Variants in DTNA observed in about 807,000 individuals in gnomAD.
DTNA encodes dystrophin-related protein 3.
In DTNA, 43 loss-of-function variants were observed where a neutral mutation model predicts 100.7. The ratio of observed to expected loss-of-function variants is 0.43; its 90% CI spans 0.33 to 0.55. DTNA has a LOEUF of 0.55. DTNA is among the 20% of genes least tolerant of loss of function. The pLI is 0.04. For missense variants in DTNA, 798 were observed against 953.9 expected (o/e 0.84, Z 2.15); for synonymous variants, 349 against 347.9 (o/e 1.00, Z -0.04).
At chr18:34,804,761 C>T (rs1476201892) in intron 4 of DTNA, among the ~76,000 whole-genome samples, 1 of 152,062 alleles carries the variant, frequency 6.6e-6, no homozygotes, top group Non-Finnish European at 1.5e-5. Context: ...GTGAAGGTTT[C>T]AGATAAATGA....
At position 34,875,343 on chromosome 18, in the gene DTNA, G is replaced by A. The variant is rs373742103; in HGVS notation, c.1848G>A (p.Thr616=). The A allele has an allele frequency of 3.2e-5, 51 of 1,614,202 alleles. No individual in the cohort carries two copies. Among genetic ancestry groups the A allele is most frequent in the Admixed American group, 3.3e-5 (2 of 60,030 alleles). Residue 616 remains threonine (T), a synonymous_variant, in exon 18 of 23, where the codon ACG becomes ACA. Coordinates refer to ENST00000444659, the MANE Select transcript of DTNA (RefSeq NM_001386795.1). ...CAGCCTGCTCCACCCCGACGCACAC[G>A]CCGCAGGACTCCCTCACAGGAGTAG... The part of the protein sequence containing the change: ...SASACSTPTH[T]PQDSLTGVGG...
In DTNA at chr18:34,889,470, A is replaced by C. The variant is rs1170103068; in HGVS notation, c.*1736A>C. 1 of 985,326 alleles carries C rather than the reference A, an allele frequency of 1.0e-6. No individual in the cohort carries two copies. The highest frequency in any genetic ancestry group is 1.7e-5 in the African/African-American group (1 of 57,232). The allele number at this position is 985,326 out of a possible 1,614,324, so 61.0% of individuals were successfully genotyped here. ...AAGTCTCTGAAAAGGCCTTATTCAG[A>C]ATAAGCAAGAAAGGTTCTGTGATTC... On this transcript the variant is annotated 3_prime_UTR_variant, in exon 23 of 23. Transcript: ENST00000444659.
At position 34,543,431 on chromosome 18, in the gene DTNA, C is replaced by G. The variant is rs191461094; in HGVS notation, c.-2+49917C>G. On this transcript the variant is annotated intron_variant, in intron 1 of 19. Coordinates refer to the DTNA transcript ENST00000283365. Reference sequence around the variant, plus strand: ...TTCTAAACACAGCTGAAAGTTCATACAGCATTGTTAACACAGTGCGTTTGT... The same window carrying G: ...TTCTAAACACAGCTGAAAGTTCATAGAGCATTGTTAACACAGTGCGTTTGT... Among the ~76,000 whole-genome samples the G allele has an allele frequency of 6.6e-4, 100 of 152,164 alleles. 1 individual carries two copies. Among genetic ancestry groups the G allele is most frequent in the Admixed American group, 5.0e-3 (76 of 15,258 alleles).
chr18:34,796,941 C>G (rs533168788), intron 4 of DTNA, among the ~76,000 whole-genome samples: 1 of 152,060 alleles, frequency 6.6e-6, no homozygotes, highest in South Asian at 2.1e-4. Context: ...CCTCTCCCAC[C>G]AAAAAAACAT....
intron 1 of DTNA, among the ~76,000 whole-genome samples, chr18:34,585,628 G>A (rs1331238375): frequency 6.6e-6 from 1 of 151,910 alleles, no homozygotes; most frequent in African/African-American, 2.4e-5. Context: ...TAGGGAGAGA[G>A]GACACACATG....
At chr18:34,576,852 T>C (rs1384611812) in intron 1 of DTNA, among the ~76,000 whole-genome samples, 1 of 152,144 alleles carries the variant, frequency 6.6e-6, no homozygotes, top group Non-Finnish European at 1.5e-5. Flanking sequence ...AAACAGCCCA[T>C]GTCTTGTCAT....
chr18:34,881,757 A>T (rs2096875774), intron 20 of DTNA, among the ~76,000 whole-genome samples: 1 of 152,130 alleles, frequency 6.6e-6, no homozygotes, highest in Admixed American at 6.5e-5. Context: ...CCCTCAAAAG[A>T]TGTTTGCCAT....
chr18:34,664,173 C>T (rs1400975628), intron 1 of DTNA, among the ~76,000 whole-genome samples: 1 of 152,002 alleles, frequency 6.6e-6, no homozygotes. Flanking sequence ...TATTTGTCAA[C>T]CAAAACATAT....
rs573703919 is a variant in DTNA at position 34,871,252 on chromosome 18, A to C, written c.1744-3987A>C. Among the ~76,000 whole-genome samples the C allele has an allele frequency of 9.6e-4, 146 of 152,338 alleles. 1 individual carries two copies. The highest frequency in any genetic ancestry group is 3.3e-3 in the African/African-American group (139 of 41,578). On this transcript the variant is annotated intron_variant, in intron 17 of 22. Transcript: ENST00000444659. ...TCTGGTGGTGAATAGAAATCAAAAC[A>C]CTTCCTGGAAAATATCAGAAAATGT...
chr18:34,805,364 G>A (rs556690662), intron 4 of DTNA, among the ~76,000 whole-genome samples: 1 of 151,996 alleles, frequency 6.6e-6, no homozygotes, highest in South Asian at 2.1e-4. Context: ...TCCCTCTGTC[G>A]CCCAGGCTGG....
intron 1 of DTNA, among the ~76,000 whole-genome samples, chr18:34,674,143 G>A (rs2077114905): frequency 6.6e-6 from 1 of 152,216 alleles, no homozygotes; most frequent in African/African-American, 2.4e-5. Flanking sequence ...GCCCAGCTTA[G>A]GAGCTGATGC....
intron 1 of DTNA, among the ~76,000 whole-genome samples, chr18:34,614,634 G>A (rs2054877760): frequency 6.6e-6 from 1 of 152,214 alleles, no homozygotes; most frequent in South Asian, 2.1e-4. Flanking sequence ...AACAGCAAAT[G>A]TAGTGCAGAT....
At chr18:34,548,776 A>T (rs559566198) in intron 1 of DTNA, among the ~76,000 whole-genome samples, 1 of 152,238 alleles carries the variant, frequency 6.6e-6, no homozygotes, top group East Asian at 1.9e-4. Context: ...ACCTTAACAG[A>T]AGTATGTTAA....
At position 34,860,010 on chromosome 18, in the gene DTNA, GTTGGGAAGTATTACA is replaced by G. The variant is rs369977961; in HGVS notation, c.1646+1615_1646+1629del. Among the ~76,000 whole-genome samples, 418 of 152,154 alleles carry G rather than the reference GTTGGGAAGTATTACA, an allele frequency of 2.7e-3. 2 individuals carry two copies. The highest frequency in any genetic ancestry group is 9.6e-3 in the African/African-American group (399 of 41,514). The stretch of plus-strand genomic sequence containing the variant: ...ACTGTTCTTTCACAAGGCACCTGTA[GTTGGGAAGTATTACA>G]TTCTTTTCTTTTTGTTTTTGTTTGT... On this transcript the variant is annotated intron_variant, in intron 16 of 22. Coordinates refer to ENST00000444659, the MANE Select transcript of DTNA (RefSeq NM_001386795.1).
intron 1 of DTNA, among the ~76,000 whole-genome samples, chr18:34,734,927 A>G (rs1330183963): frequency 6.6e-6 from 1 of 152,214 alleles, no homozygotes; most frequent in African/African-American, 2.4e-5. Flanking sequence ...AGCCAACTCC[A>G]GAAGCCTCAA....
rs371363393 is a variant in DTNA, at chr18:34,858,388, C to T, written c.1636C>T (p.Arg546Trp). ...QQNPTLLAEL[R>W]LLRQRKDELE... ...AAACCCCACCCTGCTGGCAGAACTC[C>T]GGCTCCTCAGGTAGGAGAGAGCACC... Residue 546 changes from arginine to tryptophan, a missense_variant, in exon 16 of 23, where the codon CGG (arginine) becomes TGG (tryptophan). Arg to Trp is a moderately radical substitution (Grantham distance 101, BLOSUM62 -3). Transcript: ENST00000444659. The T allele has an allele frequency of 1.1e-5, 17 of 1,614,004 alleles. No homozygotes were observed. Among genetic ancestry groups the T allele is most frequent in the Middle Eastern group, 3.3e-4 (2 of 6,084 alleles).
intron 10 of DTNA, 77 bp downstream of exon 10, chr18:34,827,753 C>T (rs1002628660): frequency 7.0e-7 from 1 of 1,427,962 alleles, no homozygotes; most frequent in Admixed American, 1.7e-5. Context: ...AAAATATTCT[C>T]ATGCAAGCCA....
intron 9 of DTNA, chr18:34,825,139 G>T: frequency 1.6e-6 from 2 of 1,263,528 alleles, no homozygotes. Context: ...TCATGAATTA[G>T]TCCTTAAATA....
intron 1 of DTNA, among the ~76,000 whole-genome samples, chr18:34,552,456 C>G (rs1472599158): frequency 1.3e-5 from 2 of 150,812 alleles, no homozygotes; most frequent in African/African-American, 4.9e-5. Flanking sequence ...TATACATGTG[C>G]CATGCTGGTG....
Sources: allele counts gnomAD v4.1 joint callset (sites outside exome capture counted in the v4.1 genomes callset), GRCh38; gene constraint gnomAD v4.1.1; transcripts MANE v1.5; gene names NCBI Gene and HGNC (gene_info 2026-07-23, HGNC 2026-07-21).